The following SPACA1 variants were observed in gnomAD, a reference collection of about 807,000 sequenced individuals.
SPACA1 encodes the protein sperm acrosome associated 1.
A neutral mutation model predicts 32.6 loss-of-function variants in SPACA1; 17 were observed. That is an observed-to-expected ratio of 0.52 (90% confidence interval 0.36 to 0.78). The LOEUF is 0.78. Among genes scored for constraint, SPACA1 ranks in the 30% least tolerant of loss-of-function variants. The probability of loss-of-function intolerance (pLI) is 0.01; values close to 1 mark genes in which losing one functional copy is unlikely to be tolerated. For missense variants in SPACA1, 363 were observed against 373.4 expected, an observed-to-expected ratio of 0.97 and a Z score of 0.23; for synonymous variants, 140 against 138.1, an observed-to-expected ratio of 1.01 and a Z score of -0.10.
At chr6:88,058,903 C>G in intron 4 of SPACA1, 81 bp downstream of exon 4, 1 of 914,964 alleles carries the variant, frequency 1.1e-6, no homozygotes, top group Non-Finnish European at 1.6e-6. Flanking sequence ...TTTCAGAAAA[C>G]TTTCTTTTTA....
At position 88,064,109 on chromosome 6, in the gene SPACA1, GAGA is replaced by G. The variant is rs967841734; in HGVS notation, c.625_627del (p.Arg209del). On this transcript the variant is annotated inframe_deletion, in exon 6 of 7. Coordinates refer to ENST00000237201, the MANE Select transcript of SPACA1 (RefSeq NM_030960.3). ...GTGTGTTTTCTCTAGAATTGCAGAT[GAGA>G]AGATCAAGCCTACCAGCCACTGATG... 3 of 1,612,940 alleles carry G rather than the reference GAGA, an allele frequency of 1.9e-6. No individual in the cohort carries two copies. The East Asian group carries it at 6.7e-5, about 36-fold the overall frequency.
At position 88,066,305 on chromosome 6, in the gene SPACA1, A is replaced by C; in HGVS notation, c.855A>C (p.Glu285Asp). 6.2e-7 allele frequency: 1 copy of C among 1,612,230 alleles called. No homozygotes were observed. ...AATTACCAACAGAAATGCCTGGTGA[A>C]GATGATGCTTTAAGTGAATGGAATG... ...LDQLPTEMPG[E>D]DDALSEWNE Residue 285 changes from glutamate to aspartate, a missense_variant, in exon 7 of 7, where the codon GAA becomes GAC. Coordinates refer to ENST00000237201, the MANE Select transcript of SPACA1 (RefSeq NM_030960.3).
chr6:88,049,909 G>A lies in SPACA1; in HGVS notation c.208+1796G>A, dbSNP rs146319489. Among the ~76,000 whole-genome samples, 552 of 152,068 alleles carry A rather than the reference G, an allele frequency of 3.6e-3. 1 individual carries two copies. The highest frequency in any genetic ancestry group is 6.8e-3 in the Middle Eastern group (2 of 294). On this transcript the variant is annotated intron_variant, in intron 1 of 6. Coordinates refer to ENST00000237201, the MANE Select transcript of SPACA1 (RefSeq NM_030960.3). ...CTTATCATTAATCTTGGTTCTTTTT[G>A]CACTTGTATTGTCAAAAAAACCAAC...
Position 88,060,702 on chromosome 6 carries a change from A to G in SPACA1, c.610+1114A>G, listed in dbSNP as rs368941926. ...AAGCTCTAAAAAAGGCAAGAGAATA[A>G]AAACATCATTAAACTAAAAAATATC... On this transcript the variant is annotated intron_variant, in intron 5 of 6. Transcript: ENST00000237201. Among the ~76,000 whole-genome samples the G allele has an allele frequency of 4.7e-4, 71 of 152,334 alleles. No individual in the cohort carries two copies. In the South Asian group the frequency reaches 0.015, roughly 32 times the overall value.
chr6:88,048,128 T>C lies in SPACA1; in HGVS notation c.208+15T>C. The C allele has an allele frequency of 6.4e-7, 1 of 1,572,500 alleles. No individual in the cohort carries two copies. The highest frequency in any genetic ancestry group is 8.6e-7 in the Non-Finnish European group (1 of 1,158,084). ...AACCGAGGATGGTGAGGGCGGGAGC[T>C]CCCTTGCGGGGCACGCGGAGGCCCC... On this transcript the variant is annotated intron_variant, in intron 1 of 6. Coordinates refer to ENST00000237201, the MANE Select transcript of SPACA1 (RefSeq NM_030960.3).
rs2127803216 is a variant in SPACA1, at chr6:88,066,508, T to C, written c.*173T>C. On this transcript the variant is annotated 3_prime_UTR_variant, in exon 7 of 7. Coordinates refer to ENST00000237201, the MANE Select transcript of SPACA1 (RefSeq NM_030960.3). ...TATCAGTGCATTTTTCCAGTACAGT[T>C]ATCAAATATTACTTTTAATTTGTTC... The C allele has an allele frequency of 2.3e-6, 1 of 443,578 alleles. No homozygotes were observed. The highest frequency in any genetic ancestry group is 3.8e-5 in the East Asian group (1 of 26,138). 27.5% of individuals were successfully genotyped at this position (443,578 alleles called of 1,614,324 possible). A position where few individuals can be genotyped will look rare whatever the true frequency, so the allele number is the denominator to read the frequency against.
chr6:88,060,494 G>A (rs914682296), intron 5 of SPACA1, among the ~76,000 whole-genome samples: 37 of 152,158 alleles, frequency 2.4e-4, no homozygotes, highest in African/African-American at 7.7e-4. Flanking sequence ...ACCGCACAAC[G>A]TAACCATTTT....
In SPACA1 at chr6:88,059,433, A is replaced by AT. The variant is rs760894581; in HGVS notation, c.475-13dup. 3.2e-6 allele frequency: 5 copies of AT among 1,571,936 alleles called. No homozygotes were observed. The highest frequency in any genetic ancestry group is 3.7e-5 in the Admixed American group (2 of 53,630). On this transcript the variant is annotated intron_variant, in intron 4 of 6. Transcript: ENST00000237201. ...ACATGAAAAATGTTGATACTTTGTT[A>AT]TTTTTTTCTTTTTAAATAGCAATCC...
chr6:88,053,929 T>A lies in SPACA1; in HGVS notation c.209-17T>A. ...TTTCATATAATTAAATAATGTATCT[T>A]TACCCTTTATGTTTAGTTTCAAATA... is the stretch of plus-strand genomic sequence containing the variant. On this transcript the variant is annotated splice_polypyrimidine_tract_variant and intron_variant, in intron 1 of 6. Transcript: ENST00000237201. The A allele has an allele frequency of 6.2e-7, 1 of 1,609,554 alleles. No individual in the cohort carries two copies. Among genetic ancestry groups the A allele is most frequent in the Non-Finnish European group, 8.5e-7 (1 of 1,176,408 alleles).
At position 88,047,994 on chromosome 6, in the gene SPACA1, CCAA is replaced by C. The variant is rs1382443626; in HGVS notation, c.91_93del (p.Asn31del). On this transcript the variant is annotated inframe_deletion, in exon 1 of 7. Transcript: ENST00000237201. ...GCGGGCCTCCAGTCCGCGCGCGGGA[CCAA>C]CGTCACCGCTGCCGTCCAGGATGCC... is the stretch of plus-strand genomic sequence containing the variant. 1 of 1,578,514 alleles carries C rather than the reference CCAA, an allele frequency of 6.3e-7. No individual in the cohort carries two copies. Among genetic ancestry groups the C allele is most frequent in the East Asian group, 2.3e-5 (1 of 43,462 alleles).
intron 3 of SPACA1, 41 bp downstream of exon 3, chr6:88,057,754 G>A: frequency 6.4e-7 from 1 of 1,553,850 alleles, no homozygotes; most frequent in Admixed American, 1.7e-5. Context: ...GTGGGCAAGA[G>A]TTTACTCTGG....
intron 6 of SPACA1, 166 bp downstream of exon 6, chr6:88,064,385 G>T (rs184669587): frequency 5.3e-4 from 266 of 503,816 alleles, no homozygotes; most frequent in African/African-American, 4.7e-3. Context: ...AGGCTGCCCC[G>T]TCTCTTTATG....
chr6:88,062,888 A>G (rs1475768457), intron 5 of SPACA1, among the ~76,000 whole-genome samples: 1 of 152,230 alleles, frequency 6.6e-6, no homozygotes, highest in African/African-American at 2.4e-5. Context: ...CATAGTCTTA[A>G]GTGTAAAAGC....
rs774137223 is a variant in SPACA1, at chr6:88,058,743, A to G, written c.395A>G (p.Glu132Gly). The G allele has an allele frequency of 1.2e-6, 2 of 1,613,652 alleles. No homozygotes were observed. Among genetic ancestry groups the G allele is most frequent in the African/African-American group, 1.3e-5 (1 of 75,034 alleles). The part of the protein sequence containing the change: ...GWGKPISESL[E>G]SVRLACIHTS... Reference sequence around the variant, plus strand: ...GGTAAACCAATTTCAGAAAGTCTTGAAAGTGTTAGATTGGCATGTATTCAC... The same window carrying G: ...GGTAAACCAATTTCAGAAAGTCTTGGAAGTGTTAGATTGGCATGTATTCAC... The change falls in exon 4 of 7, where the codon GAA (glutamate) becomes GGA (glycine). Residue 132 changes from glutamate to glycine, a missense_variant. Glu to Gly is a moderately conservative substitution (Grantham distance 98). Transcript: ENST00000237201.
chr6:88,053,963 G>C lies in SPACA1; in HGVS notation c.226G>C (p.Val76Leu). The C allele has an allele frequency of 6.2e-7, 1 of 1,613,122 alleles. No homozygotes were observed. The highest frequency in any genetic ancestry group is 8.5e-7 in the Non-Finnish European group (1 of 1,179,422). ...ATGTTTAGTTTCAAATAGGAATGTC[G>C]TCAAAGAAGTAGAATTCGGAATGTG... ...ETEDVSNRNVVKEVEFGMCTV... is the reference protein window; with the variant it reads ...ETEDVSNRNVLKEVEFGMCTV... The change falls in exon 2 of 7, where the codon GTC becomes CTC. Residue 76 changes from valine to leucine, a missense_variant. By Grantham distance (32) the Val-to-Leu change is conservative (BLOSUM62 1). Transcript: ENST00000237201.
chr6:88,058,527 C>G (rs1421123782), intron 3 of SPACA1, among the ~76,000 whole-genome samples, 189 bp from the exon 4 acceptor site: 2 of 152,040 alleles, frequency 1.3e-5, no homozygotes, highest in African/African-American at 4.8e-5. Context: ...TAGTCCCAGC[C>G]ACTTGAGAGG....
intron 5 of SPACA1, 107 bp from the exon 6 acceptor site, chr6:88,063,992 A>C: frequency 7.7e-7 from 1 of 1,294,312 alleles, no homozygotes; most frequent in Non-Finnish European, 1.0e-6. Context: ...TGCACTAAGC[A>C]TTTCTTTATG....
At chr6:88,059,366 C>A in intron 4 of SPACA1, 87 bp from the exon 5 acceptor site, 1 of 1,190,172 alleles carries the variant, frequency 8.4e-7, no homozygotes, top group Non-Finnish European at 1.2e-6. Context: ...AGACAGTAAC[C>A]CTCCTTTCCT....
intron 3 of SPACA1, 77 bp downstream of exon 3, chr6:88,057,790 C>A: frequency 7.9e-7 from 1 of 1,263,958 alleles, no homozygotes; most frequent in Admixed American, 1.7e-5. Flanking sequence ...CTCAGGTTGC[C>A]ACTGAGTAGA....
Sources: allele counts gnomAD v4.1 joint callset (sites outside exome capture counted in the v4.1 genomes callset), GRCh38; gene constraint gnomAD v4.1.1; transcripts MANE v1.5; gene names NCBI Gene and HGNC (gene_info 2026-07-23, HGNC 2026-07-21).